The following EZR variants were observed in gnomAD, a reference collection of about 807,000 sequenced individuals.
EZR encodes cytovillin 2.
Under a neutral mutation model 74.8 loss-of-function variants are expected in EZR, and 40 were observed. The observed-to-expected ratio is 0.53, with a 90% CI of 0.42 to 0.70. The LOEUF (loss-of-function observed/expected upper bound fraction) is 0.70, where lower values mean the gene tolerates loss of function less well. Among genes scored for constraint, EZR ranks in the 30% least tolerant of loss-of-function variants. EZR has a pLI of 0.00. For synonymous variants in EZR, 341 were observed against 283.3 expected (o/e 1.20, Z -2.05); for missense variants, 678 against 755.8 (o/e 0.90, Z 1.21).
chr6:158,815,605 C>CA (rs897871096), intron 2 of EZR, among the ~76,000 whole-genome samples: 8 of 152,180 alleles, frequency 5.3e-5, no homozygotes, highest in African/African-American at 1.7e-4. Flanking sequence ...CAGCCTCAGT[C>CA]AGAGCGCCAG....
At chr6:158,817,179 TG>T (rs539155220) in intron 2 of EZR, among the ~76,000 whole-genome samples, 308 of 152,348 alleles carry the variant, frequency 2.0e-3, no homozygotes, top group Non-Finnish European at 3.8e-3. Flanking sequence ...AATCCCAATT[TG>T]TAATGAATCC....
chr6:158,767,566 G>C, intron 12 of EZR, 54 bp from the exon 13 acceptor site: 1 of 1,523,344 alleles, frequency 6.6e-7, no homozygotes, highest in Non-Finnish European at 8.8e-7. Context: ...CTATCCTCCT[G>C]GCTATGAGAA....
intron 8 of EZR, 120 bp downstream of exon 8, chr6:158,776,288 G>A: frequency 2.4e-6 from 2 of 823,688 alleles, no homozygotes; most frequent in Admixed American, 2.0e-5. Context: ...GGCCCTCAAT[G>A]TAACCTCATG....
chr6:158,780,300 T>A (rs1175060444), intron 7 of EZR, among the ~76,000 whole-genome samples: 1 of 152,114 alleles, frequency 6.6e-6, no homozygotes, highest in East Asian at 1.9e-4. Context: ...TTGTCAGAAC[T>A]CAACAAATGA....
intron 6 of EZR, 80 bp downstream of exon 6, chr6:158,784,564 G>T: frequency 7.8e-7 from 1 of 1,277,650 alleles, no homozygotes; most frequent in Non-Finnish European, 1.1e-6. Flanking sequence ...GCCCTTTAAA[G>T]CACTAACTAG....
In EZR at chr6:158,810,410, G is replaced by T. The variant is rs148985865; in HGVS notation, c.12+7672C>A. On this transcript the variant is annotated intron_variant, in intron 2 of 13. Coordinates refer to ENST00000367075, the MANE Select transcript of EZR (RefSeq NM_001111077.2). The stretch of plus-strand genomic sequence containing the variant: ...GGTCTCCAGGGCACACTTCTCTTCT[G>T]TGAAGACCTCTATCATGCACTACAC... Among the ~76,000 whole-genome samples, 505 of 152,296 alleles carry T rather than the reference G, an allele frequency of 3.3e-3. 5 individuals are homozygous for T. The highest frequency in any genetic ancestry group is 0.022 in the Admixed American group (341 of 15,300).
At chr6:158,814,388 C>CTGCATCACGT (rs1554275806) in intron 2 of EZR, among the ~76,000 whole-genome samples, 1 of 11,410 alleles carries the variant, frequency 8.8e-5, no homozygotes, top group South Asian at 1.7e-3. Context: ...TTCCTCTCGA[C>CTGCATCACGT]GTTACCTAGG....
chr6:158,818,041 A>T, intron 2 of EZR, 41 bp downstream of exon 2: 1 of 1,602,694 alleles, frequency 6.2e-7, no homozygotes, highest in Non-Finnish European at 8.5e-7. Flanking sequence ...TCTCCAATGA[A>T]GCCTCTCCCG....
chr6:158,787,946 G>C (rs1791627344), intron 3 of EZR, among the ~76,000 whole-genome samples: 1 of 152,204 alleles, frequency 6.6e-6, no homozygotes, highest in African/African-American at 2.4e-5. Context: ...CGACTGTCTT[G>C]TAAACAGAAA....
Position 158,766,659 on chromosome 6 carries a change from T to C in EZR, c.*255A>G, listed in dbSNP as rs1310635949. On this transcript the variant is annotated 3_prime_UTR_variant, in exon 14 of 14. Coordinates refer to ENST00000367075, the MANE Select transcript of EZR (RefSeq NM_001111077.2). Reference sequence around the variant, plus strand: ...GCATTTTCCGTAATTCAATCAGTCCTGCTCCCAGCACAACACAGGAGGTGA... The same window carrying C: ...GCATTTTCCGTAATTCAATCAGTCCCGCTCCCAGCACAACACAGGAGGTGA... 5.6e-6 allele frequency: 3 copies of C among 536,908 alleles called. No homozygotes were observed. Among genetic ancestry groups the C allele is most frequent in the Non-Finnish European group, 1.0e-5 (3 of 300,682 alleles). The allele number at this position is 536,908 out of a possible 1,614,324, so 33.3% of individuals were successfully genotyped here. A position where few individuals can be genotyped will look rare whatever the true frequency, so the allele number is the denominator to read the frequency against.
At chr6:158,782,010 C>T (rs1426039122) in intron 7 of EZR, among the ~76,000 whole-genome samples, 1 of 152,096 alleles carries the variant, frequency 6.6e-6, no homozygotes, top group African/African-American at 2.4e-5. Flanking sequence ...TCGCCTGCCT[C>T]GGCCTCCCAG....
At position 158,766,934 on chromosome 6, in the gene EZR, C is replaced by T. The variant is rs1248495125; in HGVS notation, c.1741G>A (p.Asp581Asn). Reference sequence around the variant, plus strand: ...GGCTGTTACAGGGCCTCGAACTCGTCGATGCGCTGCTTGGTGTTGCCCTGC... The same window carrying T: ...GGCTGTTACAGGGCCTCGAACTCGTTGATGCGCTGCTTGGTGTTGCCCTGC... ...IRQGNTKQRI[D>N]EFEAL is the part of the protein sequence containing the mutation. Residue 581 changes from aspartate (D) to asparagine (N), a missense_variant, in exon 14 of 14, where the codon GAC becomes AAC. Physicochemically the swap from Asp to Asn is conservative, Grantham distance 23 (BLOSUM62 1). Around this residue, in one of 3 missense-constraint regions of EZR, gnomAD observed 342 missense variants for 341.2 expected, o/e 1.00. Coordinates refer to ENST00000367075, the MANE Select transcript of EZR (RefSeq NM_001111077.2). 5.0e-6 allele frequency: 8 copies of T among 1,614,166 alleles called. No homozygotes were observed. Among genetic ancestry groups the T allele is most frequent in the Non-Finnish European group, 5.9e-6 (7 of 1,180,020 alleles).
intron 2 of EZR, among the ~76,000 whole-genome samples, chr6:158,809,604 G>C (rs781318500): frequency 6.6e-6 from 1 of 152,192 alleles, no homozygotes; most frequent in Non-Finnish European, 1.5e-5. Context: ...CTCAACATTG[G>C]CTAACAAAAC....
intron 7 of EZR, among the ~76,000 whole-genome samples, chr6:158,780,211 A>T (rs1374892138): frequency 3.3e-5 from 5 of 151,782 alleles, no homozygotes; most frequent in African/African-American, 1.2e-4. Flanking sequence ...AAGAATGATT[A>T]AAAAATGTAA....
At chr6:158,799,662 G>GA (rs1452697502) in intron 2 of EZR, among the ~76,000 whole-genome samples, 1 of 152,214 alleles carries the variant, frequency 6.6e-6, no homozygotes, top group Non-Finnish European at 1.5e-5. Context: ...TTCCACAAAT[G>GA]CTGGCTAACA....
chr6:158,798,343 G>A (rs1777117307), intron 2 of EZR, among the ~76,000 whole-genome samples: 1 of 152,112 alleles, frequency 6.6e-6, no homozygotes, highest in South Asian at 2.1e-4. Flanking sequence ...AAATCTTTAG[G>A]GAGAAACAAA....
intron 2 of EZR, among the ~76,000 whole-genome samples, chr6:158,791,364 A>G (rs778572073): frequency 7.2e-5 from 11 of 152,222 alleles, no homozygotes; most frequent in African/African-American, 2.4e-4. Context: ...TTTTAAAATC[A>G]CAAAATGGCT....
At chr6:158,798,091 TC>T (rs1777110605) in intron 2 of EZR, among the ~76,000 whole-genome samples, 2 of 152,192 alleles carry the variant, frequency 1.3e-5, no homozygotes, top group South Asian at 4.1e-4. Context: ...ATGCAGTCTT[TC>T]ATGACTGAAT....
intron 2 of EZR, among the ~76,000 whole-genome samples, chr6:158,804,273 C>G (rs1777281110): frequency 6.6e-6 from 1 of 152,126 alleles, no homozygotes; most frequent in African/African-American, 2.4e-5. Context: ...CCACTTTCCC[C>G]TAAGAAAGGG....
Sources: allele counts gnomAD v4.1 joint callset (sites outside exome capture counted in the v4.1 genomes callset), GRCh38; gene constraint gnomAD v4.1.1; regional missense constraint gnomAD v4.1.1; transcripts MANE v1.5; gene names NCBI Gene and HGNC (gene_info 2026-07-23, HGNC 2026-07-21).